The following ANKRD30A variants were observed in gnomAD, a reference collection of about 807,000 sequenced individuals.
ANKRD30A encodes the protein ankyrin repeat domain 30A, also known as ankyrin repeat domain-containing protein 30A.
A neutral mutation model predicts 166.3 loss-of-function variants in ANKRD30A; 170 were observed. The observed-to-expected ratio is 1.02, with a 90% CI of 0.90 to 1.16. The LOEUF is 1.16. Ranked by LOEUF, ANKRD30A falls within the 50% of genes most tolerant of loss-of-function variation. ANKRD30A has a pLI of 0.00. For synonymous variants in ANKRD30A, 564 were observed against 508.9 expected, an observed-to-expected ratio of 1.11 and a Z score of -1.46; for missense variants, 1,630 against 1,518.0, an observed-to-expected ratio of 1.07 and a Z score of -1.23.
intron 11 of ANKRD30A, among the ~76,000 whole-genome samples, chr10:37,151,148 G>A (rs1167962542): frequency 6.6e-6 from 1 of 151,840 alleles, no homozygotes; most frequent in East Asian, 1.9e-4. Flanking sequence ...GTGATGAAAC[G>A]GTCTTTTAAG....
intron 31 of ANKRD30A, among the ~76,000 whole-genome samples, chr10:37,206,284 G>A (rs954499245): frequency 6.6e-6 from 1 of 152,054 alleles, no homozygotes; most frequent in African/African-American, 2.4e-5. Flanking sequence ...CATTTGGAAT[G>A]TTTGCACTCC....
intron 12 of ANKRD30A, among the ~76,000 whole-genome samples, chr10:37,152,872 G>A (rs17606066): frequency 6.6e-6 from 1 of 151,982 alleles, no homozygotes; most frequent in Non-Finnish European, 1.5e-5. Context: ...AGCAAAAGGT[G>A]GAAGTCAATA....
intron 29 of ANKRD30A, among the ~76,000 whole-genome samples, chr10:37,199,252 A>G (rs1588906598): frequency 6.6e-6 from 1 of 152,130 alleles, no homozygotes; most frequent in Non-Finnish European, 1.5e-5. Context: ...TAGTTGACTG[A>G]CATCAAAAAG....
At chr10:37,198,338 C>T in intron 29 of ANKRD30A, among the ~76,000 whole-genome samples, 1 of 152,074 alleles carries the variant, frequency 6.6e-6, no homozygotes, top group African/African-American at 2.4e-5. Context: ...CCGTATAGGA[C>T]ACAGTTAACT....
At chr10:37,260,438 G>A in the ANKRD30A span, among the ~76,000 whole-genome samples, 7 of 152,090 alleles carry the variant, frequency 4.6e-5, no homozygotes. Flanking sequence ...TTCTCCTAGT[G>A]TAACTCTTAC....
intron 9 of ANKRD30A, among the ~76,000 whole-genome samples, chr10:37,148,463 T>G (rs894601472): frequency 6.6e-6 from 1 of 152,074 alleles, no homozygotes; most frequent in African/African-American, 2.4e-5. Flanking sequence ...AGTTAGAGTT[T>G]TTTTAAATTT....
intron 5 of ANKRD30A, 135 bp downstream of exon 5, chr10:37,134,188 G>C: frequency 1.9e-6 from 2 of 1,061,250 alleles, no homozygotes; most frequent in Non-Finnish European, 2.7e-6. Context: ...TTGGGTCCAG[G>C]ATTCTTTATT....
At chr10:37,240,459 A>T in the ANKRD30A span, among the ~76,000 whole-genome samples, 3 of 152,212 alleles carry the variant, frequency 2.0e-5, no homozygotes, top group African/African-American at 7.2e-5. Flanking sequence ...CCAGTCTTTG[A>T]CTTTGTCATT....
intron 11 of ANKRD30A, among the ~76,000 whole-genome samples, chr10:37,151,538 C>A (rs1450015431): frequency 6.6e-6 from 1 of 152,014 alleles, no homozygotes; most frequent in African/African-American, 2.4e-5. Flanking sequence ...ACCCAATACA[C>A]TGTCATAGAA....
chr10:37,252,417 TA>T, the ANKRD30A span, among the ~76,000 whole-genome samples: 1 of 152,204 alleles, frequency 6.6e-6, no homozygotes, highest in African/African-American at 2.4e-5. Flanking sequence ...TATACTAAAA[TA>T]ACAGTGCACA....
chr10:37,153,324 G>GA (rs1459785562), intron 12 of ANKRD30A, among the ~76,000 whole-genome samples: 3 of 152,102 alleles, frequency 2.0e-5, no homozygotes, highest in African/African-American at 7.2e-5. Context: ...TTATCAAGGT[G>GA]ATTTGTTTTT....
chr10:37,254,279 C>G, the ANKRD30A span, among the ~76,000 whole-genome samples: 96 of 152,224 alleles, frequency 6.3e-4, no homozygotes, highest in African/African-American at 2.2e-3. Flanking sequence ...ATATTCTTTT[C>G]AGCAACCACC....
chr10:37,159,959 A>G (rs1208347909), intron 15 of ANKRD30A, among the ~76,000 whole-genome samples: 1 of 152,146 alleles, frequency 6.6e-6, no homozygotes, highest in African/African-American at 2.4e-5. Flanking sequence ...TCGGCCTCCC[A>G]AAGTACTGGA....
intron 31 of ANKRD30A, among the ~76,000 whole-genome samples, chr10:37,209,476 G>C (rs1293038738): frequency 6.6e-6 from 1 of 152,060 alleles, no homozygotes; most frequent in Non-Finnish European, 1.5e-5. Flanking sequence ...TATTCATGAG[G>C]ATCACTATTG....
chr10:37,241,015 G>T, the ANKRD30A span: 2 of 151,946 alleles, frequency 1.3e-5, no homozygotes, highest in African/African-American at 4.8e-5. Flanking sequence ...GCACAACTAC[G>T]GGTGAGTTTT....
At chr10:37,243,301 T>A in the ANKRD30A span, among the ~76,000 whole-genome samples, 35,684 of 127,462 alleles carry the variant, frequency 0.28, 4,788 homozygotes, top group Non-Finnish European at 0.34. Flanking sequence ...CGCCCACCTT[T>A]TTTTTTTTTT....
At chr10:37,200,014 G>A (rs1409744696) in intron 30 of ANKRD30A, among the ~76,000 whole-genome samples, 2 of 152,182 alleles carry the variant, frequency 1.3e-5, no homozygotes, top group East Asian at 3.9e-4. Context: ...GTGTGGTACA[G>A]TGGAAATAAT....
chr10:37,152,532 G>T (rs61866720), intron 12 of ANKRD30A, among the ~76,000 whole-genome samples: 7,253 of 152,114 alleles, frequency 0.048, 236 homozygotes, highest in South Asian at 0.06. Context: ...TATTGTAAAA[G>T]CTGGGACCTG....
At position 37,193,120 on chromosome 10, in the gene ANKRD30A, G is replaced by T. The variant is rs1412335606; in HGVS notation, c.2541+28G>T. 3.7e-6 allele frequency: 6 copies of T among 1,604,050 alleles called. No homozygotes were observed. In the African/African-American group the frequency reaches 8.1e-5, roughly 22 times the overall value. On this transcript the variant is annotated intron_variant, in intron 26 of 35. Coordinates refer to ENST00000361713, the MANE Select transcript of ANKRD30A (RefSeq NM_052997.3). ...AATAACTTTTATATTTTTATCTTGA[G>T]TATTAACTACATATTTTATGAAGTA...
Sources: allele counts gnomAD v4.1 joint callset (sites outside exome capture counted in the v4.1 genomes callset), GRCh38; gene constraint gnomAD v4.1.1; transcripts MANE v1.5; gene names NCBI Gene and HGNC (gene_info 2026-07-23, HGNC 2026-07-21).